PGR: variants seen among roughly 807,000 people sequenced by gnomAD.
PGR encodes the protein nuclear receptor subfamily 3 group C member 3.
A neutral mutation model predicts 76.1 loss-of-function variants in PGR; 25 were observed. The ratio of observed to expected loss-of-function variants is 0.33; its 90% confidence interval spans 0.24 to 0.46. PGR has a LOEUF of 0.46. Among genes scored for constraint, PGR ranks in the 20% least tolerant of loss-of-function variants. PGR has a pLI of 1.00. For synonymous variants in PGR, 579 were observed against 535.0 expected (o/e 1.08, Z -1.14); for missense variants, 1,172 against 1,225.3 (o/e 0.96, Z 0.65).
intron 3 of PGR, among the ~76,000 whole-genome samples, chr11:101,079,939 C>T (rs1206116670): frequency 2.0e-5 from 3 of 152,154 alleles, no homozygotes; most frequent in Non-Finnish European, 4.4e-5. Context: ...TCTCCTGAAT[C>T]AGGAGCTTAG....
intron 4 of PGR, among the ~76,000 whole-genome samples, chr11:101,056,635 A>C (rs994814095): frequency 3.9e-5 from 4 of 101,368 alleles, no homozygotes; most frequent in Non-Finnish European, 8.2e-5. Flanking sequence ...GTGAGAGCCT[A>C]TCTCAAGAAA....
At chr11:101,051,844 C>A (rs1254683875) in intron 4 of PGR, among the ~76,000 whole-genome samples, 1 of 152,176 alleles carries the variant, frequency 6.6e-6, no homozygotes, top group African/African-American at 2.4e-5. Flanking sequence ...ATGCAACACC[C>A]ATTTAATAAG....
intron 2 of PGR, among the ~76,000 whole-genome samples, chr11:101,099,023 C>T (rs1338713690): frequency 6.6e-6 from 1 of 152,134 alleles, no homozygotes; most frequent in Non-Finnish European, 1.5e-5. Context: ...GGTACAGGAC[C>T]AGTGAAATTG....
intron 2 of PGR, among the ~76,000 whole-genome samples, chr11:101,092,398 A>G (rs543446174): frequency 1.1e-4 from 16 of 152,350 alleles, no homozygotes; most frequent in Middle Eastern, 6.8e-3. Context: ...GAATCAATGG[A>G]AGAGCATGTA....
intron 3 of PGR, among the ~76,000 whole-genome samples, chr11:101,066,236 A>T (rs1203353917): frequency 6.6e-6 from 1 of 152,152 alleles, no homozygotes; most frequent in East Asian, 1.9e-4. Context: ...GCCTTCAAAG[A>T]TTTCTAAATG....
chr11:101,050,307 A>G (rs1055019906), intron 5 of PGR, among the ~76,000 whole-genome samples: 6 of 152,182 alleles, frequency 3.9e-5, no homozygotes, highest in Non-Finnish European at 8.8e-5. Context: ...CACAGTGACC[A>G]AGATTAACAT....
intron 3 of PGR, among the ~76,000 whole-genome samples, chr11:101,076,466 A>G (rs1861131510): frequency 6.6e-6 from 1 of 152,136 alleles, no homozygotes; most frequent in Non-Finnish European, 1.5e-5. Flanking sequence ...AAAATATAAT[A>G]AAAAATTTGA....
intron 3 of PGR, among the ~76,000 whole-genome samples, chr11:101,089,513 G>A (rs1474849068): frequency 1.3e-5 from 2 of 152,122 alleles, no homozygotes; most frequent in African/African-American, 4.8e-5. Flanking sequence ...TATTTGACAT[G>A]TACATTTGTT....
chr11:101,063,371 A>G (rs1178391711), intron 3 of PGR: 3 of 152,410 alleles, frequency 2.0e-5, no homozygotes, highest in Admixed American at 1.3e-4. Flanking sequence ...AATTAAGGAA[A>G]GAGAAAGTTT....
chr11:101,127,921 C>A lies in PGR; in HGVS notation c.1150G>T (p.Ala384Ser). Residue 384 changes from alanine (A) to serine (S), a missense_variant, in exon 1 of 8, where the codon GCT becomes TCT. Around this residue, in one of 4 missense-constraint regions of PGR, gnomAD observed 893 missense variants for 785.9 expected, o/e 1.14. Transcript: ENST00000325455. ...YPLYSDFQPP[A>S]LKIKEEEEGA... The stretch of plus-strand genomic sequence containing the variant: ...TCCTCCTCCTCCTTTATCTTTAGAG[C>A]GGGCGGCTGGAAGTCGCTATAGAGA... The A allele has an allele frequency of 6.2e-7, 1 of 1,610,666 alleles. No individual in the cohort carries two copies. The highest frequency in any genetic ancestry group is 1.1e-5 in the South Asian group (1 of 91,034).
chr11:101,050,121 G>A, intron 5 of PGR, 62 bp from the exon 6 acceptor site: 1 of 1,552,566 alleles, frequency 6.4e-7, no homozygotes, highest in South Asian at 1.1e-5. Context: ...GTCTCAGCCA[G>A]TTTAGGTAAT....
intron 3 of PGR, among the ~76,000 whole-genome samples, chr11:101,080,082 G>A (rs1044360403): frequency 1.3e-5 from 2 of 152,204 alleles, no homozygotes; most frequent in African/African-American, 2.4e-5. Flanking sequence ...ATCAGGGGAC[G>A]CAGGTGGACC....
At chr11:101,068,497 C>G (rs901550240) in intron 3 of PGR, among the ~76,000 whole-genome samples, 5 of 152,056 alleles carry the variant, frequency 3.3e-5, no homozygotes, top group African/African-American at 1.2e-4. Context: ...TGACTTTCTT[C>G]ACAAAATTAG....
Position 101,042,113 on chromosome 11 carries a change from G to T in PGR, c.2489-11C>A. On this transcript the variant is annotated splice_polypyrimidine_tract_variant and intron_variant, in intron 6 of 7. Transcript: ENST00000325455. ...GCCCTTCCAAAGGAACTGTTAAGAA[G>T]ACAATTAAAAGTGGCAGTTGTGTAT... 6.2e-7 allele frequency: 1 copy of T among 1,612,768 alleles called. No homozygotes were observed. Among genetic ancestry groups the T allele is most frequent in the Non-Finnish European group, 8.5e-7 (1 of 1,179,220 alleles).
At chr11:101,121,795 G>T (rs896944029) in intron 2 of PGR, among the ~76,000 whole-genome samples, 7 of 152,150 alleles carry the variant, frequency 4.6e-5, no homozygotes, top group African/African-American at 1.7e-4. Flanking sequence ...AGTGCCTGGC[G>T]CATGGCAGGT....
At chr11:101,086,532 A>C (rs549972113) in intron 3 of PGR, among the ~76,000 whole-genome samples, 1 of 152,182 alleles carries the variant, frequency 6.6e-6, no homozygotes, top group Admixed American at 6.5e-5. Flanking sequence ...ATCTGGAAAA[A>C]GTTAAGGATG....
At position 101,029,775 on chromosome 11, in the gene PGR, T is replaced by A. The variant is rs1315938171; in HGVS notation, c.*9341A>T. On this transcript the variant is annotated 3_prime_UTR_variant, in exon 8 of 8. Transcript: ENST00000325455. ...CACTTGTCAAGCTGAGTAGACTGTTTTCTTATGTGAACCACAAAATATTTT... is the reference window on the plus strand; with the variant it reads ...CACTTGTCAAGCTGAGTAGACTGTTATCTTATGTGAACCACAAAATATTTT... The A allele has an allele frequency of 4.6e-6, 1 of 218,296 alleles. No homozygotes were observed. Among genetic ancestry groups the A allele is most frequent in the Non-Finnish European group, 9.2e-6 (1 of 108,742 alleles). The allele number at this position is 218,296 out of a possible 1,614,324, so 13.5% of individuals were successfully genotyped here.
chr11:101,079,704 G>C (rs569074081), intron 3 of PGR, among the ~76,000 whole-genome samples: 4 of 152,182 alleles, frequency 2.6e-5, no homozygotes, highest in Non-Finnish European at 5.9e-5. Flanking sequence ...CAGTATGGAG[G>C]TTCCTAAAAC....
At chr11:101,127,309 C>T in intron 1 of PGR, 125 bp downstream of exon 1, 2 of 630,272 alleles carry the variant, frequency 3.2e-6, no homozygotes, top group East Asian at 6.9e-5. Context: ...CCGCTGCCCA[C>T]CCTCTCCGGC....
Sources: gnomAD v4.1 joint callset for allele counts (sites outside exome capture counted in the v4.1 genomes callset) on GRCh38, gnomAD v4.1.1 for gene constraint, gnomAD v4.1.1 regional missense constraint, MANE v1.5 for transcripts, NCBI Gene and HGNC (gene_info 2026-07-23, HGNC 2026-07-21) for gene names.